Variants in DAG1 observed in about 807,000 individuals in gnomAD.
DAG1 encodes the protein dystroglycan 1.
A neutral mutation model predicts 46.1 loss-of-function variants in DAG1; 8 were observed. The observed-to-expected ratio is 0.17, with a 90% confidence interval of 0.10 to 0.31. The LOEUF is 0.31. Ranked by LOEUF, DAG1 falls within the 10% of genes least tolerant of loss-of-function variation. The pLI is 1.00. For synonymous variants in DAG1, 495 were observed against 481.8 expected (o/e 1.03, Z -0.36); for missense variants, 1,003 against 1,189.9 (o/e 0.84, Z 2.31).
intron 1 of DAG1, among the ~76,000 whole-genome samples, chr3:49,482,404 C>T (rs1024940670): frequency 3.3e-5 from 5 of 152,190 alleles, no homozygotes; most frequent in Non-Finnish European, 5.9e-5. Flanking sequence ...CTGTCTCCTG[C>T]CTGCCCTTGG....
rs760924685 is a variant in DAG1, at chr3:49,531,747, G to A, written c.1236G>A (p.Glu412=). 3 of 1,613,814 alleles carry A rather than the reference G, an allele frequency of 1.9e-6. No homozygotes were observed. The highest frequency in any genetic ancestry group is 2.5e-6 in the Non-Finnish European group (3 of 1,180,004). Residue 412 remains glutamate, a synonymous_variant, in exon 3 of 3, where the codon GAG becomes GAA. Coordinates refer to ENST00000308775, the MANE Select transcript of DAG1 (RefSeq NM_004393.6). This position sits in a 1 kb window ranked among gnomAD's most constrained non-coding sequence, Gnocchi z 7.0. ...CGATGACCATTCCTGGCTATGTGGA[G>A]CCTACTGCAGTTGCTACCCCTCCCA... ...RPTMTIPGYV[E]PTAVATPPTT...
chr3:49,528,260 A>G (rs1245073004), intron 2 of DAG1, among the ~76,000 whole-genome samples: 2 of 134,094 alleles, frequency 1.5e-5, no homozygotes, highest in African/African-American at 6.0e-5. Context: ...CAGCCAAAAC[A>G]TTTGAAATAG....
intron 1 of DAG1, among the ~76,000 whole-genome samples, chr3:49,490,570 C>CT (rs1228443976): frequency 2.7e-5 from 4 of 149,862 alleles, no homozygotes; most frequent in African/African-American, 9.8e-5. Context: ...TTTTTTTATT[C>CT]TTTTATTTTT....
At chr3:49,497,801 A>T (rs756866718) in intron 1 of DAG1, among the ~76,000 whole-genome samples, 1 of 152,138 alleles carries the variant, frequency 6.6e-6, no homozygotes, top group Non-Finnish European at 1.5e-5. Flanking sequence ...GTTAAAATCT[A>T]CTCAGATTAA....
At chr3:49,518,393 G>A (rs914978174) in intron 2 of DAG1, among the ~76,000 whole-genome samples, 1 of 152,158 alleles carries the variant, frequency 6.6e-6, no homozygotes, top group African/African-American at 2.4e-5. Flanking sequence ...TTGACTGCCT[G>A]AAAAGCCTGG....
intron 1 of DAG1, among the ~76,000 whole-genome samples, chr3:49,492,044 A>C (rs1207295631): frequency 6.6e-6 from 1 of 151,522 alleles, no homozygotes; most frequent in East Asian, 1.9e-4. Flanking sequence ...CTTCTGCCTC[A>C]GCCTCCTGAA....
chr3:49,484,241 G>T (rs1424016156), intron 1 of DAG1, among the ~76,000 whole-genome samples: 1 of 152,116 alleles, frequency 6.6e-6, no homozygotes, highest in Non-Finnish European at 1.5e-5. Flanking sequence ...GTCTGAGGAT[G>T]TGCTTTTTCC....
In DAG1 at chr3:49,534,399, A is replaced by G. The variant is rs1191145736; in HGVS notation, c.*1200A>G. The G allele has an allele frequency of 6.6e-6, 1 of 152,564 alleles. No homozygotes were observed. The highest frequency in any genetic ancestry group is 1.5e-5 in the Non-Finnish European group (1 of 68,016). 9.5% of individuals were successfully genotyped at this position (152,564 alleles called of 1,614,324 possible). ...CCAGGCCTTGGGCCTGAACTACTGGAAAAGGTCTGGCGGCTGGGGAGGAGT... is the reference window on the plus strand; with the variant it reads ...CCAGGCCTTGGGCCTGAACTACTGGGAAAGGTCTGGCGGCTGGGGAGGAGT... On this transcript the variant is annotated 3_prime_UTR_variant, in exon 3 of 3. Coordinates refer to ENST00000308775, the MANE Select transcript of DAG1 (RefSeq NM_004393.6).
chr3:49,471,860 G>A (rs934794650), intron 1 of DAG1, among the ~76,000 whole-genome samples: 2 of 152,174 alleles, frequency 1.3e-5, no homozygotes, highest in African/African-American at 4.8e-5. Flanking sequence ...GTGGGGACCA[G>A]GGAACCCATG....
chr3:49,513,679 G>A (rs1388907982), intron 2 of DAG1, among the ~76,000 whole-genome samples: 1 of 152,138 alleles, frequency 6.6e-6, no homozygotes, highest in Non-Finnish European at 1.5e-5. Flanking sequence ...TGGGGCAACC[G>A]TATTTCTGAA....
chr3:49,487,746 C>T (rs1170202184), intron 1 of DAG1, among the ~76,000 whole-genome samples: 1 of 134,638 alleles, frequency 7.4e-6, no homozygotes, highest in African/African-American at 2.8e-5. Flanking sequence ...GTCACCCAGG[C>T]TGGAGTGCAG....
At chr3:49,491,693 G>A (rs1341166221) in intron 1 of DAG1, among the ~76,000 whole-genome samples, 1 of 151,982 alleles carries the variant, frequency 6.6e-6, no homozygotes, top group African/African-American at 2.4e-5. Flanking sequence ...AGTCAGGATG[G>A]TCTCGATCTC....
At chr3:49,522,990 G>A (rs752873301) in intron 2 of DAG1, among the ~76,000 whole-genome samples, 3 of 152,188 alleles carry the variant, frequency 2.0e-5, no homozygotes, top group African/African-American at 7.2e-5. Context: ...GGCTGGTAGA[G>A]AGACCTGAAA....
intron 1 of DAG1, among the ~76,000 whole-genome samples, chr3:49,509,298 AGTG>A (rs1316552494): frequency 6.6e-6 from 1 of 152,138 alleles, no homozygotes; most frequent in East Asian, 1.9e-4. Flanking sequence ...AGCTGAGTGG[AGTG>A]GTGTGCACCT....
At chr3:49,503,586 G>C (rs2050516234) in intron 1 of DAG1, among the ~76,000 whole-genome samples, 2 of 152,090 alleles carry the variant, frequency 1.3e-5, no homozygotes, top group Non-Finnish European at 2.9e-5. Flanking sequence ...AATCCCAGAA[G>C]TTTGAGAGGC....
chr3:49,502,699 T>C lies in DAG1; in HGVS notation c.-116-7720T>C, dbSNP rs1331124223. Among the ~76,000 whole-genome samples, 2 of 148,188 alleles carry C rather than the reference T, an allele frequency of 1.3e-5. 1 individual carries two copies. On this transcript the variant is annotated intron_variant, in intron 1 of 2. Transcript: ENST00000308775. ...TGTCGCCTAGGCTGGAGTGCAGTGG[T>C]GCGATCTCGGCTCACTACAAGCTCC...
chr3:49,514,175 A>G (rs1244911118), intron 2 of DAG1, among the ~76,000 whole-genome samples: 1 of 152,176 alleles, frequency 6.6e-6, no homozygotes. Flanking sequence ...CCGGGATTAT[A>G]TGGGTTGGGG....
At chr3:49,521,114 C>T (rs1228846151) in intron 2 of DAG1, among the ~76,000 whole-genome samples, 1 of 151,940 alleles carries the variant, frequency 6.6e-6, no homozygotes, top group African/African-American at 2.4e-5. Flanking sequence ...GGGTGAGAGA[C>T]TTTGCTTGAG....
Position 49,531,384 on chromosome 3 carries a change from C to T in DAG1, c.873C>T (p.Gly291=). 6.2e-7 allele frequency: 1 copy of T among 1,614,162 alleles called. No homozygotes were observed. The highest frequency in any genetic ancestry group is 1.1e-5 in the South Asian group (1 of 91,084). The change falls in exon 3 of 3, where the codon GGC becomes GGT. Residue 291 remains glycine (G), a synonymous_variant. Transcript: ENST00000308775. The surrounding 1 kb of genome is among the most constrained non-coding windows in gnomAD (Gnocchi z 7.0). ...AREGAMSAQL[G]YPVVGWHIAN... is the part of the protein sequence containing the mutation. ...AGGGCGCAATGTCTGCTCAGCTTGG[C>T]TACCCTGTGGTGGGTTGGCACATCG...
Sources: allele counts gnomAD v4.1 joint callset (sites outside exome capture counted in the v4.1 genomes callset), GRCh38; gene constraint gnomAD v4.1.1; non-coding constraint Gnocchi (gnomAD v3.1); transcripts MANE v1.5; gene names NCBI Gene and HGNC (gene_info 2026-07-23, HGNC 2026-07-21).